Variants in NOS1AP observed in about 807,000 individuals in gnomAD.
NOS1AP encodes carboxyl-terminal PDZ ligand of neuronal nitric oxide synthase protein.
Under a neutral mutation model 56.2 loss-of-function variants are expected in NOS1AP, and 21 were observed. The ratio of observed to expected loss-of-function variants is 0.37; its 90% CI spans 0.26 to 0.54. The LOEUF (loss-of-function observed/expected upper bound fraction) is 0.54. NOS1AP is among the 20% of genes least tolerant of loss of function. The pLI, the probability that NOS1AP is intolerant of heterozygous loss-of-function variation, is 0.84. For synonymous variants in NOS1AP, 270 were observed against 274.6 expected (o/e 0.98, Z 0.17); for missense variants, 522 against 657.8 (o/e 0.79, Z 2.26).
intron 4 of NOS1AP, among the ~76,000 whole-genome samples, chr1:162,302,819 A>T (rs1164341464): frequency 6.6e-6 from 1 of 152,082 alleles, no homozygotes; most frequent in Non-Finnish European, 1.5e-5. Context: ...CTTTTTCCCC[A>T]ATCTCAATCC....
At chr1:162,364,810 C>G (rs1371416260) in intron 8 of NOS1AP, 3 of 987,808 alleles carry the variant, frequency 3.0e-6, no homozygotes, top group Non-Finnish European at 3.6e-6. Context: ...GGCTTGATGA[C>G]AGCTGCCTCA....
At chr1:162,173,779 GA>G (rs1319778874) in intron 2 of NOS1AP, among the ~76,000 whole-genome samples, 1 of 152,172 alleles carries the variant, frequency 6.6e-6, no homozygotes, top group African/African-American at 2.4e-5. Flanking sequence ...CTTCTCAAAA[GA>G]AGACATTTAT....
intron 1 of NOS1AP, among the ~76,000 whole-genome samples, chr1:162,144,117 G>A (rs1446018192): frequency 1.3e-5 from 2 of 152,124 alleles, no homozygotes; most frequent in Non-Finnish European, 2.9e-5. Context: ...GTAAGTCTTG[G>A]TGCCCCACCA....
At position 162,237,813 on chromosome 1, in the gene NOS1AP, A is replaced by G. The variant is rs551126464; in HGVS notation, c.178-49531A>G. On this transcript the variant is annotated intron_variant, in intron 2 of 9. Transcript: ENST00000361897. ...ACTTTGAAAAAGTCGTGTGCTCTAC[A>G]AATAAAAAGCTACTTTTGTTGTTAC... Among the ~76,000 whole-genome samples the G allele has an allele frequency of 3.3e-5, 5 of 152,302 alleles. No homozygotes were observed. In the East Asian group the frequency reaches 9.6e-4, roughly 29 times the overall value.
At chr1:162,264,037 T>A (rs1654320643) in intron 2 of NOS1AP, among the ~76,000 whole-genome samples, 1 of 152,208 alleles carries the variant, frequency 6.6e-6, no homozygotes, top group Non-Finnish European at 1.5e-5. Context: ...AGCCTCCGAA[T>A]GGTTTCCCTA....
At chr1:162,232,215 C>T (rs950849977) in intron 2 of NOS1AP, among the ~76,000 whole-genome samples, 2 of 152,124 alleles carry the variant, frequency 1.3e-5, no homozygotes, top group African/African-American at 4.8e-5. Context: ...TCTTGCCATT[C>T]TGAGTTTGAA....
intron 1 of NOS1AP, among the ~76,000 whole-genome samples, chr1:162,133,534 T>C (rs2102065695): frequency 6.6e-6 from 1 of 152,344 alleles, no homozygotes; most frequent in East Asian, 1.9e-4. Flanking sequence ...CTTTCCTTTT[T>C]ATAATCTGGC....
intron 1 of NOS1AP, among the ~76,000 whole-genome samples, chr1:162,109,024 A>G (rs1647616364): frequency 6.6e-6 from 1 of 152,272 alleles, no homozygotes; most frequent in Non-Finnish European, 1.5e-5. Flanking sequence ...GCAAAGGCAC[A>G]TCTTCTATGG....
At chr1:162,365,014 T>C in intron 8 of NOS1AP, 1 of 1,083,324 alleles carries the variant, frequency 9.2e-7, no homozygotes, top group Non-Finnish European at 1.1e-6. Context: ...TGGCATGCCA[T>C]GCTAGGTGCT....
intron 2 of NOS1AP, among the ~76,000 whole-genome samples, chr1:162,199,527 A>C (rs982306915): frequency 6.6e-6 from 1 of 152,050 alleles, no homozygotes; most frequent in Non-Finnish European, 1.5e-5. Flanking sequence ...TGGTTTGCAC[A>C]AGAAAAGTCT....
chr1:162,094,866 C>T (rs1314716855), intron 1 of NOS1AP, among the ~76,000 whole-genome samples: 3 of 152,124 alleles, frequency 2.0e-5, no homozygotes, highest in Non-Finnish European at 4.4e-5. Context: ...GCTCTAATTC[C>T]AGCACCAGGC....
chr1:162,267,414 A>G (rs1232962209), intron 2 of NOS1AP, among the ~76,000 whole-genome samples: 2 of 149,938 alleles, frequency 1.3e-5, no homozygotes, highest in Non-Finnish European at 3.0e-5. Context: ...AATAACCACT[A>G]TGACAAAGAG....
At chr1:162,189,405 T>G (rs1651547475) in intron 2 of NOS1AP, among the ~76,000 whole-genome samples, 1 of 152,238 alleles carries the variant, frequency 6.6e-6, no homozygotes. Flanking sequence ...AATTCTTACC[T>G]TAAGCAAACT....
chr1:162,136,976 G>A (rs1262584996), intron 1 of NOS1AP, among the ~76,000 whole-genome samples: 2 of 152,180 alleles, frequency 1.3e-5, no homozygotes, highest in African/African-American at 4.8e-5. Flanking sequence ...CATATGAAAA[G>A]CACCTCGGAC....
intron 2 of NOS1AP, among the ~76,000 whole-genome samples, chr1:162,233,415 C>T (rs1278271958): frequency 6.6e-6 from 1 of 152,166 alleles, no homozygotes; most frequent in Non-Finnish European, 1.5e-5. Context: ...TCCAAGTGTC[C>T]TCCTTTACTT....
At chr1:162,207,355 A>G (rs997698301) in intron 2 of NOS1AP, among the ~76,000 whole-genome samples, 5 of 152,314 alleles carry the variant, frequency 3.3e-5, no homozygotes, top group Middle Eastern at 3.4e-3. Context: ...GCTGATAGCC[A>G]CTGTGTGTGT....
chr1:162,273,293 AGCTGGGACTACAGGC>A (rs1437595187), intron 2 of NOS1AP, among the ~76,000 whole-genome samples: 3 of 150,644 alleles, frequency 2.0e-5, no homozygotes, highest in Admixed American at 1.3e-4. Context: ...CCTCCTGAGT[AGCTGGGACTACAGGC>A]GCCCGCCACC....
chr1:162,184,616 G>C (rs1336395721), intron 2 of NOS1AP, among the ~76,000 whole-genome samples: 1 of 152,168 alleles, frequency 6.6e-6, no homozygotes, highest in Non-Finnish European at 1.5e-5. Context: ...CCTGACTCCA[G>C]CACTTTACTC....
intron 4 of NOS1AP, among the ~76,000 whole-genome samples, chr1:162,302,589 A>AAAG (rs1655701836): frequency 6.6e-6 from 1 of 152,214 alleles, no homozygotes; most frequent in Non-Finnish European, 1.5e-5. Flanking sequence ...TTCCTGGTTG[A>AAAG]AAGAAAGGAC....
Sources: gnomAD v4.1 joint callset for allele counts (sites outside exome capture counted in the v4.1 genomes callset) on GRCh38, gnomAD v4.1.1 for gene constraint, MANE v1.5 for transcripts, NCBI Gene and HGNC (gene_info 2026-07-23, HGNC 2026-07-21) for gene names.